The following GPC4 variants were observed in gnomAD, a reference collection of about 807,000 sequenced individuals.
The protein encoded by GPC4 is glypican 4.
In GPC4, 10 loss-of-function variants were observed where a neutral mutation model predicts 35.0. That is an observed-to-expected ratio of 0.29 (90% CI 0.18 to 0.48). The LOEUF is 0.48. Among genes scored for constraint, GPC4 ranks in the 20% least tolerant of loss-of-function variants. The probability of loss-of-function intolerance (pLI) is 0.99; values close to 1 mark genes in which losing one functional copy is unlikely to be tolerated. For synonymous variants in GPC4, 167 were observed against 170.2 expected (o/e 0.98, Z 0.15); for missense variants, 322 against 451.3 (o/e 0.71, Z 2.60).
At chrX:133,383,078 T>C (rs1006207977) in intron 1 of GPC4, among the ~76,000 whole-genome samples, 8 of 111,884 alleles carry the variant, frequency 7.2e-5, no homozygotes, top group African/African-American at 2.3e-4. Flanking sequence ...GAAAACATAT[T>C]CACACAAAAC....
intron 1 of GPC4, among the ~76,000 whole-genome samples, chrX:133,382,287 G>A (rs193251513): frequency 1.0e-3 from 108 of 108,457 alleles, no homozygotes; most frequent in Non-Finnish European, 1.5e-3. Context: ...ATAGCTGGGC[G>A]TGGTGGTGGG....
In GPC4 at chrX:133,415,112, C is replaced by T. The variant is rs969535896; in HGVS notation, c.-147G>A. 3.6e-6 allele frequency: 2 copies of T among 554,327 alleles called. No homozygotes were observed. Among genetic ancestry groups the T allele is most frequent in the African/African-American group, 4.7e-5 (2 of 42,473 alleles). 45.7% of individuals were successfully genotyped at this position (554,327 alleles called of 1,213,427 possible). A position where few individuals can be genotyped will look rare whatever the true frequency, so the allele number is the denominator to read the frequency against. On this transcript the variant is annotated 5_prime_UTR_variant, in exon 1 of 9. Transcript: ENST00000370828. ...GGAGTTGGTGGAAGAGGCGAGCAGG[C>T]GGAGGAGACGCGGGGCGAAAAGTAG...
At chrX:133,321,567 C>T (rs1037357368) in intron 3 of GPC4, among the ~76,000 whole-genome samples, 13 of 112,554 alleles carry the variant, frequency 1.2e-4, no homozygotes, top group Admixed American at 8.4e-4. Flanking sequence ...CACATGCATG[C>T]ACAGATGTCC....
chrX:133,362,921 G>A (rs917330061), intron 1 of GPC4, among the ~76,000 whole-genome samples: 5 of 111,518 alleles, frequency 4.5e-5, no homozygotes, highest in South Asian at 3.8e-4. Context: ...AGGTAAATCC[G>A]GACAAAAAAG....
chrX:133,342,224 A>T (rs1475006505), intron 1 of GPC4, among the ~76,000 whole-genome samples: 12 of 108,974 alleles, frequency 1.1e-4, no homozygotes, highest in African/African-American at 4.0e-4. Flanking sequence ...TTTAGTAAAG[A>T]CAGGGTTTCA....
intron 1 of GPC4, among the ~76,000 whole-genome samples, chrX:133,413,113 G>A (rs2068819759): frequency 8.9e-6 from 1 of 112,440 alleles, no homozygotes; most frequent in African/African-American, 3.2e-5. Context: ...CCAAGCTTCA[G>A]CGGCTGGTGG....
In GPC4 at chrX:133,311,563, G is replaced by A. The variant is rs947428135; in HGVS notation, c.712-140C>T. ...TGATCACAATTAGTAAGCCTGGACT[G>A]CCTCCTGAAGACATAGATTAGATAA... On this transcript the variant is annotated intron_variant, in intron 3 of 8. Transcript: ENST00000370828. The A allele has an allele frequency of 8.9e-6, 5 of 564,361 alleles. No individual in the cohort carries two copies. In the South Asian group the frequency reaches 1.3e-4, roughly 14 times the overall value. 46.5% of individuals were successfully genotyped at this position (564,361 alleles called of 1,213,427 possible).
chrX:133,404,866 A>AAAAAAAAAAAAAAAAAAAAAAAAAAAAG lies in GPC4; in HGVS notation c.160+9939_160+9940insCTTTTTTTTTTTTTTTTTTTTTTTTTTT, dbSNP rs753375530. ...GACCCTGTCTCAAAAAAAAAAAAAA[A>AAAAAAAAAAAAAAAAAAAAAAAAAAAAG]AAGGTGCAGAGGAACAAAATCATAA... On this transcript the variant is annotated intron_variant, in intron 1 of 8. Transcript: ENST00000370828. Among the ~76,000 whole-genome samples the AAAAAAAAAAAAAAAAAAAAAAAAAAAAG allele has an allele frequency of 3.4e-5, 3 of 89,274 alleles. 1 individual carries two copies. Among genetic ancestry groups the AAAAAAAAAAAAAAAAAAAAAAAAAAAAG allele is most frequent in the African/African-American group, 1.6e-4 (3 of 19,209 alleles). The allele number at this position is 89,274 out of a possible 115,157, so 77.5% of individuals were successfully genotyped here.
chrX:133,335,123 C>T (rs2068436213), intron 2 of GPC4, among the ~76,000 whole-genome samples: 1 of 111,208 alleles, frequency 9.0e-6, no homozygotes, highest in Admixed American at 9.6e-5. Context: ...TAACTCCCTC[C>T]TGAATTAAGT....
intron 2 of GPC4, among the ~76,000 whole-genome samples, chrX:133,326,133 T>G (rs2068392476): frequency 9.0e-6 from 1 of 110,595 alleles, no homozygotes; most frequent in African/African-American, 3.3e-5. Context: ...GGAAATGGAC[T>G]TCCTCTGCAT....
intron 1 of GPC4, among the ~76,000 whole-genome samples, chrX:133,340,194 C>T (rs941723314): frequency 3.6e-5 from 4 of 110,174 alleles, no homozygotes; most frequent in African/African-American, 9.9e-5. Context: ...GAGGGTTGGG[C>T]GGGGGGTTTT....
chrX:133,338,783 T>C (rs751834092), intron 2 of GPC4, among the ~76,000 whole-genome samples: 1 of 111,755 alleles, frequency 8.9e-6, no homozygotes, highest in African/African-American at 3.2e-5. Context: ...TGGGGATCCA[T>C]TTTGAAATTT....
chrX:133,375,956 G>T (rs190658244), intron 1 of GPC4, among the ~76,000 whole-genome samples: 3 of 112,027 alleles, frequency 2.7e-5, no homozygotes, highest in African/African-American at 9.7e-5. Context: ...TAGGAAGGGA[G>T]AGAAGAATGT....
At chrX:133,363,567 T>C (rs111248786) in intron 1 of GPC4, among the ~76,000 whole-genome samples, 1 of 111,475 alleles carries the variant, frequency 9.0e-6, no homozygotes, top group African/African-American at 3.3e-5. Flanking sequence ...AGGCAAACCA[T>C]GCTGTTAGCA....
At chrX:133,400,794 T>C (rs2068765195) in intron 1 of GPC4, among the ~76,000 whole-genome samples, 1 of 110,397 alleles carries the variant, frequency 9.1e-6, no homozygotes, top group Non-Finnish European at 1.9e-5. Context: ...GCATTGGGTA[T>C]AGGGCAGTGA....
chrX:133,354,568 A>ATTTTTTTTTTTT (rs77166014), intron 1 of GPC4, among the ~76,000 whole-genome samples: 5 of 95,204 alleles, frequency 5.3e-5, no homozygotes, highest in African/African-American at 1.7e-4. Context: ...TTATTTATTT[A>ATTTTTTTTTTTT]TTTTTTTTTT....
chrX:133,318,072 TTTTTG>T (rs1287348748), intron 3 of GPC4, among the ~76,000 whole-genome samples: 16 of 111,656 alleles, frequency 1.4e-4, no homozygotes, highest in South Asian at 3.8e-4. Flanking sequence ...AAGGGCTCTA[TTTTTG>T]TTTTGTGAGT....
At chrX:133,330,882 C>T (rs2068416858) in intron 2 of GPC4, among the ~76,000 whole-genome samples, 1 of 110,797 alleles carries the variant, frequency 9.0e-6, no homozygotes, top group Non-Finnish European at 1.9e-5. Context: ...GTTCAGGCTG[C>T]AGTGAGCTAT....
intron 3 of GPC4, among the ~76,000 whole-genome samples, chrX:133,312,260 T>C (rs1194350565): frequency 3.6e-5 from 4 of 110,618 alleles, no homozygotes; most frequent in Non-Finnish European, 5.7e-5. Context: ...GGTTGGGGAA[T>C]TGCGGGAAAT....
Sources: gnomAD v4.1 joint callset for allele counts (sites outside exome capture counted in the v4.1 genomes callset) on GRCh38, gnomAD v4.1.1 for gene constraint, MANE v1.5 for transcripts, NCBI Gene and HGNC (gene_info 2026-07-23, HGNC 2026-07-21) for gene names.